DFFA: variants seen among roughly 807,000 people sequenced by gnomAD.
The protein encoded by DFFA is DNA fragmentation factor subunit alpha, also known as DFF45.
A neutral mutation model predicts 28.0 loss-of-function variants in DFFA; 14 were observed. The ratio of observed to expected loss-of-function variants is 0.50; its 90% confidence interval spans 0.33 to 0.78. DFFA has a LOEUF of 0.78. Ranked by LOEUF, DFFA falls within the 30% of genes least tolerant of loss-of-function variation. DFFA has a pLI of 0.02. For missense variants in DFFA, 395 were observed against 407.1 expected (o/e 0.97, Z 0.26); for synonymous variants, 158 against 170.3 (o/e 0.93, Z 0.56).
chr1:10,461,833 G>A lies in DFFA; in HGVS notation c.784-131C>T. On this transcript the variant is annotated intron_variant, in intron 5 of 5. Transcript: ENST00000377038. ...TTACCTCTTTACACTGAAATGCCGG[G>A]TTTCCTTTACCATTAATTGCCACGG... 2.0e-6 allele frequency: 3 copies of A among 1,467,644 alleles called. No individual in the cohort carries two copies. In the South Asian group the frequency reaches 4.4e-5, roughly 21 times the overall value. The allele number at this position is 1,467,644 out of a possible 1,614,324, so 90.9% of individuals were successfully genotyped here. A position where few individuals can be genotyped will look rare whatever the true frequency, so the allele number is the denominator to read the frequency against.
chr1:10,461,801 G>T, intron 5 of DFFA, 99 bp from the exon 6 acceptor site: 1 of 1,529,706 alleles, frequency 6.5e-7, no homozygotes, highest in Non-Finnish European at 8.8e-7. Flanking sequence ...GGCAGTATCC[G>T]TTTATGTTAC....
intron 2 of DFFA, among the ~76,000 whole-genome samples, chr1:10,467,960 G>A (rs868035429): frequency 1.5e-4 from 23 of 152,032 alleles, no homozygotes; most frequent in African/African-American, 5.3e-4. Context: ...TTTTTTATAC[G>A]AAAACGGTCA....
rs1570099047 is a variant in DFFA, at chr1:10,460,658, T to C, written c.*832A>G. 6.6e-6 allele frequency: 1 copy of C among 151,192 alleles called. No homozygotes were observed. Among genetic ancestry groups the C allele is most frequent in the East Asian group, 2.0e-4 (1 of 5,074 alleles). 9.4% of individuals were successfully genotyped at this position (151,192 alleles called of 1,614,324 possible). A position where few individuals can be genotyped will look rare whatever the true frequency, so the allele number is the denominator to read the frequency against. On this transcript the variant is annotated 3_prime_UTR_variant, in exon 6 of 6. Coordinates refer to ENST00000377038, the MANE Select transcript of DFFA (RefSeq NM_004401.3). Reference sequence around the variant, plus strand: ...AATTCTCCTGCCTCAGCCTCCCGAGTAGCTGGGACTACAGGCTCCTGCCAC... The same window carrying C: ...AATTCTCCTGCCTCAGCCTCCCGAGCAGCTGGGACTACAGGCTCCTGCCAC...
chr1:10,465,624 A>C (rs867298178), intron 3 of DFFA, among the ~76,000 whole-genome samples: 3 of 151,548 alleles, frequency 2.0e-5, no homozygotes, highest in Middle Eastern at 3.5e-3. Context: ...ATCTCTTGAC[A>C]TCGTGATCTG....
chr1:10,461,346 G>A lies in DFFA; in HGVS notation c.*144C>T, dbSNP rs562696115. 53 of 1,385,922 alleles carry A rather than the reference G, an allele frequency of 3.8e-5. No homozygotes were observed. In the East Asian group the frequency reaches 7.1e-4, roughly 19 times the overall value. The allele number at this position is 1,385,922 out of a possible 1,614,324, so 85.9% of individuals were successfully genotyped here. On this transcript the variant is annotated 3_prime_UTR_variant, in exon 6 of 6. Coordinates refer to ENST00000377038, the MANE Select transcript of DFFA (RefSeq NM_004401.3). ...CTAAAAAAAAAATTGGTGGAACGGC[G>A]TATGTTGAGACCTGGAATAGCTTCT...
chr1:10,472,306 C>T lies in DFFA; in HGVS notation c.136+17G>A. On this transcript the variant is annotated intron_variant, in intron 1 of 5. Coordinates refer to ENST00000377038, the MANE Select transcript of DFFA (RefSeq NM_004401.3). The surrounding 1 kb of genome is among the most constrained non-coding windows in gnomAD (Gnocchi z 5.0). ...GCCCTGGCTCCCCCACACCCTCGCC[C>T]GGGGTCCCGAGCCAACCCTTGCTCC... The T allele has an allele frequency of 6.4e-7, 1 of 1,566,782 alleles. No homozygotes were observed. The highest frequency in any genetic ancestry group is 8.7e-7 in the Non-Finnish European group (1 of 1,151,056).
At chr1:10,468,288 T>C (rs1311654684) in intron 2 of DFFA, among the ~76,000 whole-genome samples, 3 of 151,924 alleles carry the variant, frequency 2.0e-5, no homozygotes, top group East Asian at 1.9e-4. Context: ...AGGTAAGATC[T>C]AAACACTTCA....
intron 2 of DFFA, among the ~76,000 whole-genome samples, chr1:10,467,604 G>A (rs767316330): frequency 2.0e-5 from 3 of 151,430 alleles, no homozygotes; most frequent in Non-Finnish European, 4.4e-5. Context: ...TCCACTGCCC[G>A]AGTTCAAGCG....
chr1:10,456,621 A>G lies in DFFA; in HGVS notation c.*4869T>C, dbSNP rs1640866040. ...TTTCTTTTTTCTACAGACTACTATT[A>G]TTTTATTCTTGTCTCTCTGGAAAAT... On this transcript the variant is annotated 3_prime_UTR_variant, in exon 6 of 6. Transcript: ENST00000377038. 6.6e-6 allele frequency: 1 copy of G among 151,164 alleles called. No individual in the cohort carries two copies. The highest frequency in any genetic ancestry group is 1.5e-5 in the Non-Finnish European group (1 of 67,862). The allele number at this position is 151,164 out of a possible 1,614,324, so 9.4% of individuals were successfully genotyped here.
rs1641110008 is a variant in DFFA, at chr1:10,472,318, C to A, written c.136+5G>T. The stretch of plus-strand genomic sequence containing the variant: ...CCACACCCTCGCCCGGGGTCCCGAG[C>A]CAACCCTTGCTCCTCAGGTCTTCGA... On this transcript the variant is annotated splice_donor_5th_base_variant and intron_variant, in intron 1 of 5. Coordinates refer to ENST00000377038, the MANE Select transcript of DFFA (RefSeq NM_004401.3). This position sits in a 1 kb window ranked among gnomAD's most constrained non-coding sequence, Gnocchi z 5.0. The A allele has an allele frequency of 1.0e-5, 16 of 1,587,052 alleles. No homozygotes were observed. Among genetic ancestry groups the A allele is most frequent in the East Asian group, 4.7e-5 (2 of 42,928 alleles).
Position 10,463,431 on chromosome 1 carries a change from C to T in DFFA, c.631G>A (p.Glu211Lys). 1 of 1,610,114 alleles carries T rather than the reference C, an allele frequency of 6.2e-7. No homozygotes were observed. Among genetic ancestry groups the T allele is most frequent in the Non-Finnish European group, 8.5e-7 (1 of 1,178,326 alleles). ...KEGSLLSKQE[E>K]SKAAFGEEVD... ...TGACTCTGCCTGCAGAGAGTCCTAC[C>T]TTCCTGCTTTGACAAGAGGCTGCCC... The change falls in exon 4 of 6, where the codon GAG (glutamate) becomes AAG (lysine). Residue 211 changes from glutamate (E) to lysine (K), a missense_variant and splice_region_variant. Coordinates refer to ENST00000377038, the MANE Select transcript of DFFA (RefSeq NM_004401.3).
At chr1:10,463,408 ACT>A (rs761623041) in intron 4 of DFFA, 21 bp downstream of exon 4, 2 of 1,593,674 alleles carry the variant, frequency 1.3e-6, no homozygotes, top group Non-Finnish European at 1.7e-6. Flanking sequence ...TCTCAGAGTG[ACT>A]CTGCCTGCAG....
At chr1:10,469,923 T>C (rs1171419083) in intron 1 of DFFA, among the ~76,000 whole-genome samples, 1 of 151,188 alleles carries the variant, frequency 6.6e-6, no homozygotes, top group African/African-American at 2.4e-5. Context: ...TTCAAGCAAC[T>C]CTCTGCCTTA....
chr1:10,469,868 G>A (rs1268688753), intron 1 of DFFA, among the ~76,000 whole-genome samples: 30 of 144,190 alleles, frequency 2.1e-4, no homozygotes, highest in Admixed American at 1.4e-3. Flanking sequence ...ACAGGCTGGC[G>A]TGCAGTAGTA....
rs780941852 is a variant in DFFA at position 10,461,453 on chromosome 1, A to G, written c.*37T>C. On this transcript the variant is annotated 3_prime_UTR_variant, in exon 6 of 6. Coordinates refer to ENST00000377038, the MANE Select transcript of DFFA (RefSeq NM_004401.3). Reference sequence around the variant, plus strand: ...GCTGAGGGTGTCTACCAATAACACAACGCCACAGAGCTTCCTTGGCACACT... The same window carrying G: ...GCTGAGGGTGTCTACCAATAACACAGCGCCACAGAGCTTCCTTGGCACACT... 21 of 1,591,540 alleles carry G rather than the reference A, an allele frequency of 1.3e-5. No individual in the cohort carries two copies. The highest frequency in any genetic ancestry group is 1.8e-5 in the Non-Finnish European group (21 of 1,167,944).
intron 2 of DFFA, among the ~76,000 whole-genome samples, chr1:10,467,539 C>T (rs1462783491): frequency 6.7e-6 from 1 of 150,174 alleles, no homozygotes; most frequent in Non-Finnish European, 1.5e-5. Flanking sequence ...GAGACAGAGT[C>T]TCACTCTGTT....
At chr1:10,467,413 T>C (rs1470755320) in intron 2 of DFFA, 81 bp from the exon 3 acceptor site, 1 of 1,469,082 alleles carries the variant, frequency 6.8e-7, no homozygotes, top group Non-Finnish European at 9.5e-7. Context: ...CACAGACCTC[T>C]TGAGGATCTA....
In DFFA at chr1:10,461,639, C is replaced by T; in HGVS notation, c.847G>A (p.Glu283Lys). The change falls in exon 6 of 6, where the codon GAG (glutamate) becomes AAG (lysine). Residue 283 changes from glutamate (E) to lysine (K), a missense_variant. Coordinates refer to ENST00000377038, the MANE Select transcript of DFFA (RefSeq NM_004401.3). ...VALNWDIKKTETVQEACEREL... is the reference protein window; with the variant it reads ...VALNWDIKKTKTVQEACEREL... ...CGCTCACAGGCCTCCTGAACAGTCT[C>T]CGTCTTCTTTATGTCCCAGTTCAAG... The T allele has an allele frequency of 6.2e-7, 1 of 1,614,260 alleles. No homozygotes were observed. Among genetic ancestry groups the T allele is most frequent in the Non-Finnish European group, 8.5e-7 (1 of 1,180,040 alleles).
At chr1:10,464,096 ATT>A (rs564849257) in intron 3 of DFFA, among the ~76,000 whole-genome samples, 1 of 143,140 alleles carries the variant, frequency 7.0e-6, no homozygotes, top group African/African-American at 2.6e-5. Context: ...AATTTTTCTA[ATT>A]TTTTTTTTTT....
Sources: gnomAD v4.1 joint callset for allele counts (sites outside exome capture counted in the v4.1 genomes callset) on GRCh38, gnomAD v4.1.1 for gene constraint, Gnocchi (gnomAD v3.1) non-coding constraint, MANE v1.5 for transcripts, NCBI Gene and HGNC (gene_info 2026-07-23, HGNC 2026-07-21) for gene names.